EPHB1: variants seen among roughly 807,000 people sequenced by gnomAD.
EPHB1 encodes the protein ephrin type-B receptor 1.
A neutral mutation model predicts 94.4 loss-of-function variants in EPHB1; 30 were observed. That is an observed-to-expected ratio of 0.32 (90% CI 0.24 to 0.43). EPHB1 has a LOEUF of 0.43. Among genes scored for constraint, EPHB1 ranks in the 20% least tolerant of loss-of-function variants. EPHB1 has a pLI of 1.00. For synonymous variants in EPHB1, 522 were observed against 489.1 expected, an observed-to-expected ratio of 1.07 and a Z score of -0.89; for missense variants, 1,055 against 1,308.3, an observed-to-expected ratio of 0.81 and a Z score of 2.99.
chr3:135,129,636 T>G (rs1940348721), intron 4 of EPHB1, among the ~76,000 whole-genome samples: 1 of 152,050 alleles, frequency 6.6e-6, no homozygotes, highest in Non-Finnish European at 1.5e-5. Context: ...GGCTACAGTG[T>G]GGTGAGGATG....
At chr3:134,798,544 A>G (rs1560237938) in intron 1 of EPHB1, among the ~76,000 whole-genome samples, 1 of 152,310 alleles carries the variant, frequency 6.6e-6, no homozygotes, top group East Asian at 1.9e-4. Flanking sequence ...CACTACAAGG[A>G]AAAGATCCGC....
chr3:135,213,717 A>G (rs1943080524), intron 12 of EPHB1, among the ~76,000 whole-genome samples: 2 of 152,192 alleles, frequency 1.3e-5, no homozygotes, highest in African/African-American at 4.8e-5. Flanking sequence ...CAAAAGCTCT[A>G]TTTCAGCATG....
Position 134,795,281 on chromosome 3 carries a change from C to A in EPHB1, c.-351C>A. ...CGTCAGTCTGGCCGGCTCCGTCCTC[C>A]CGTAGGCTCCGCTGTAGCTAGCAAT... On this transcript the variant is annotated 5_prime_UTR_variant, in exon 1 of 16. Coordinates refer to ENST00000398015, the MANE Select transcript of EPHB1 (RefSeq NM_004441.5). The A allele has an allele frequency of 2.5e-6, 1 of 401,096 alleles. No homozygotes were observed. The highest frequency in any genetic ancestry group is 4.5e-6 in the Non-Finnish European group (1 of 224,026). 24.8% of individuals were successfully genotyped at this position (401,096 alleles called of 1,614,324 possible). A position where few individuals can be genotyped will look rare whatever the true frequency, so the allele number is the denominator to read the frequency against.
chr3:135,052,981 A>ATGTG (rs1300255342), intron 3 of EPHB1, among the ~76,000 whole-genome samples: 1 of 109,884 alleles, frequency 9.1e-6, no homozygotes, highest in African/African-American at 3.9e-5. Flanking sequence ...GTGTATATAT[A>ATGTG]TGTGTGTGTA....
intron 2 of EPHB1, among the ~76,000 whole-genome samples, chr3:134,943,320 C>G (rs1256586809): frequency 6.6e-6 from 1 of 152,202 alleles, no homozygotes; most frequent in Non-Finnish European, 1.5e-5. Context: ...GGCATGGGCT[C>G]TGTTGTCCAG....
intron 12 of EPHB1, 89 bp downstream of exon 12, chr3:135,201,778 G>T: frequency 7.8e-7 from 1 of 1,284,144 alleles, no homozygotes. Flanking sequence ...GGCACACTGG[G>T]AGGGAATGGA....
At chr3:135,258,108 G>T (rs1322660947) in intron 15 of EPHB1, among the ~76,000 whole-genome samples, 1 of 152,098 alleles carries the variant, frequency 6.6e-6, no homozygotes, top group Non-Finnish European at 1.5e-5. Flanking sequence ...CCACTGTCTG[G>T]CACTCCCTAG....
chr3:134,886,514 T>C (rs1368040125), intron 1 of EPHB1, among the ~76,000 whole-genome samples: 3 of 152,132 alleles, frequency 2.0e-5, no homozygotes, highest in Admixed American at 6.5e-5. Context: ...GTTGCAAAGG[T>C]GAAAAAAACA....
intron 3 of EPHB1, among the ~76,000 whole-genome samples, chr3:135,048,947 G>C (rs1937089742): frequency 1.3e-5 from 2 of 152,206 alleles, no homozygotes; most frequent in South Asian, 4.1e-4. Context: ...TGTAGAGCTG[G>C]GAGTTCTAGC....
chr3:135,191,840 C>T (rs934315735), intron 10 of EPHB1, among the ~76,000 whole-genome samples: 6 of 152,206 alleles, frequency 3.9e-5, no homozygotes, highest in African/African-American at 1.4e-4. Flanking sequence ...GGGTCGGCCC[C>T]GGCTTTCCTG....
At chr3:134,892,730 A>G (rs1323855337) in intron 1 of EPHB1, among the ~76,000 whole-genome samples, 1 of 151,858 alleles carries the variant, frequency 6.6e-6, no homozygotes, top group African/African-American at 2.4e-5. Flanking sequence ...GTAGGTCTCT[A>G]TTCTCTGGCT....
chr3:135,082,144 G>A (rs150564845), intron 3 of EPHB1, among the ~76,000 whole-genome samples: 65 of 152,254 alleles, frequency 4.3e-4, no homozygotes, highest in African/African-American at 1.4e-3. Context: ...AGAAGAGACT[G>A]GGGAAGCCAT....
intron 12 of EPHB1, among the ~76,000 whole-genome samples, chr3:135,237,653 T>G (rs1384556724): frequency 6.6e-6 from 1 of 152,122 alleles, no homozygotes; most frequent in East Asian, 1.9e-4. Flanking sequence ...GGGACAGTGC[T>G]CTCCCCAAGC....
intron 11 of EPHB1, among the ~76,000 whole-genome samples, chr3:135,200,164 G>A (rs532164968): frequency 1.4e-4 from 22 of 152,332 alleles, no homozygotes; most frequent in East Asian, 5.8e-4. Flanking sequence ...AGATTAGATG[G>A]GAAAATATGT....
At chr3:134,828,833 C>T (rs1229737150) in intron 1 of EPHB1, among the ~76,000 whole-genome samples, 1 of 152,194 alleles carries the variant, frequency 6.6e-6, no homozygotes, top group East Asian at 1.9e-4. Flanking sequence ...GGTGATGCTT[C>T]TCAAGTATGA....
At chr3:135,090,061 T>C (rs1192981820) in intron 3 of EPHB1, among the ~76,000 whole-genome samples, 3 of 152,218 alleles carry the variant, frequency 2.0e-5, no homozygotes, top group Non-Finnish European at 4.4e-5. Flanking sequence ...CATAGTGCAC[T>C]CTGGAAATTA....
intron 1 of EPHB1, among the ~76,000 whole-genome samples, chr3:134,916,735 G>C (rs111338198): frequency 0.01 from 1,502 of 145,322 alleles, 23 homozygotes; most frequent in African/African-American, 0.037. Context: ...TCCCACCCGT[G>C]CCTCTCCCTC....
intron 11 of EPHB1, among the ~76,000 whole-genome samples, chr3:135,194,022 T>G (rs547807108): frequency 4.8e-4 from 73 of 152,332 alleles, no homozygotes; most frequent in African/African-American, 1.7e-3. Flanking sequence ...GGTGGCCTGC[T>G]TGGACTTCCT....
intron 3 of EPHB1, among the ~76,000 whole-genome samples, chr3:135,085,472 C>T (rs1390853252): frequency 6.6e-6 from 1 of 152,196 alleles, no homozygotes; most frequent in Non-Finnish European, 1.5e-5. Context: ...GCTTCCTTCT[C>T]CCAACTGGAA....
Sources: allele counts gnomAD v4.1 joint callset (sites outside exome capture counted in the v4.1 genomes callset), GRCh38; gene constraint gnomAD v4.1.1; transcripts MANE v1.5; gene names NCBI Gene and HGNC (gene_info 2026-07-23, HGNC 2026-07-21).